Variants in PDE1A observed in about 807,000 individuals in gnomAD.
PDE1A encodes dual specificity calcium/calmodulin-dependent 3',5'-cyclic nucleotide phosphodiesterase 1A.
A neutral mutation model predicts 61.7 loss-of-function variants in PDE1A; 35 were observed. That is an observed-to-expected ratio of 0.57 (90% CI 0.43 to 0.75). The LOEUF is 0.75. PDE1A is among the 30% of genes least tolerant of loss of function. The pLI is 0.00. For synonymous variants in PDE1A, 232 were observed against 213.2 expected (o/e 1.09, Z -0.77); for missense variants, 597 against 630.6 (o/e 0.95, Z 0.57).
chr2:182,573,891 AC>A, the PDE1A span, among the ~76,000 whole-genome samples: 2 of 145,148 alleles, frequency 1.4e-5, no homozygotes, highest in African/African-American at 2.5e-5. Flanking sequence ...TAATATATAT[AC>A]ATATGTATAT....
At chr2:182,219,418 C>T (rs926351919) in intron 7 of PDE1A, among the ~76,000 whole-genome samples, 1 of 152,040 alleles carries the variant, frequency 6.6e-6, no homozygotes, top group Non-Finnish European at 1.5e-5. Flanking sequence ...TTCCTCTATC[C>T]TCCTAGGTTG....
intron 7 of PDE1A, among the ~76,000 whole-genome samples, chr2:182,207,675 A>AATG (rs1217114986): frequency 6.6e-6 from 1 of 152,236 alleles, no homozygotes; most frequent in Admixed American, 6.5e-5. Context: ...AGAGAAACCT[A>AATG]ATGTTAATAG....
intron 1 of PDE1A, among the ~76,000 whole-genome samples, chr2:182,382,134 C>A (rs374533170): frequency 1.5e-4 from 23 of 152,178 alleles, no homozygotes; most frequent in African/African-American, 5.5e-4. Flanking sequence ...GAAACTGTGA[C>A]TATGATAAAA....
chr2:182,189,178 T>C (rs1685489755), intron 10 of PDE1A, 118 bp from the exon 11 acceptor site: 3 of 587,726 alleles, frequency 5.1e-6, no homozygotes. Flanking sequence ...GCAATACTTT[T>C]TTCTTATTTA....
rs750710583 is a variant in PDE1A at position 182,201,665 on chromosome 2, A to C, written c.1004+23T>G. On this transcript the variant is annotated intron_variant, in intron 9 of 13. Coordinates refer to ENST00000351439, the Ensembl canonical transcript of PDE1A. Reference sequence around the variant, plus strand: ...TTTAACATGACAAAAAAAAAAAAACAACAAAAAAAACACAAAACCTACCCT... The same window carrying C: ...TTTAACATGACAAAAAAAAAAAAACCACAAAAAAAACACAAAACCTACCCT... 2.1e-4 allele frequency: 310 copies of C among 1,487,276 alleles called. No individual in the cohort carries two copies. The African/African-American group carries it at 3.9e-3, about 19-fold the overall frequency. The allele number at this position is 1,487,276 out of a possible 1,614,324, so 92.1% of individuals were successfully genotyped here.
At chr2:182,395,657 G>C (rs1211871775) in intron 1 of PDE1A, among the ~76,000 whole-genome samples, 1 of 152,172 alleles carries the variant, frequency 6.6e-6, no homozygotes, top group Non-Finnish European at 1.5e-5. Context: ...CCAGAGCCAG[G>C]CTGCTGTGCA....
At chr2:182,168,238 T>C in exon 14 of PDE1A, 2 of 1,586,380 alleles carry the variant, frequency 1.3e-6, no homozygotes, top group Non-Finnish European at 1.7e-6. Flanking sequence ...AGGTTTTACT[T>C]AAAGGTGTTT....
chr2:182,430,336 G>T (rs1703869733), upstream of PDE1A, among the ~76,000 whole-genome samples: 1 of 118,234 alleles, frequency 8.5e-6, no homozygotes, highest in Admixed American at 9.2e-5. Context: ...CATTTATGCA[G>T]CCAAAAAACA....
the PDE1A span, among the ~76,000 whole-genome samples, chr2:182,555,965 CAAAAAAAAAAA>C: frequency 3.3e-3 from 161 of 48,446 alleles, 1 homozygote; most frequent in African/African-American, 0.013. Flanking sequence ...AACTCCATCT[CAAAAAAAAAAA>C]AAAAAAAAAA....
the PDE1A span, among the ~76,000 whole-genome samples, chr2:182,639,987 A>T: frequency 8.7e-5 from 2 of 22,958 alleles, no homozygotes; most frequent in Admixed American, 1.5e-3. Context: ...AAGGATGTTA[A>T]AAAAAATGGT....
intron 2 of PDE1A, among the ~76,000 whole-genome samples, chr2:182,455,031 A>G (rs1046207656): frequency 6.6e-6 from 1 of 152,046 alleles, no homozygotes; most frequent in African/African-American, 2.4e-5. Flanking sequence ...AATATCCAGA[A>G]TCTACAATGA....
intron 13 of PDE1A, among the ~76,000 whole-genome samples, chr2:182,172,371 T>C (rs1199375913): frequency 6.6e-6 from 1 of 152,044 alleles, no homozygotes; most frequent in Non-Finnish European, 1.5e-5. Flanking sequence ...AGGGGGTCTC[T>C]GTAAATATTT....
rs749670482 is a variant in PDE1A, at chr2:182,472,954, T to TA, written c.101+49321dup. Among the ~76,000 whole-genome samples, 3 of 151,488 alleles carry TA rather than the reference T, an allele frequency of 2.0e-5. No individual in the cohort carries two copies. The South Asian group carries it at 6.2e-4, about 31-fold the overall frequency. On this transcript the variant is annotated intron_variant, in intron 2 of 14. Coordinates refer to the PDE1A transcript ENST00000410103. Reference sequence around the variant, plus strand: ...AAAAATTTTATTAATTTTTTTTTTTTAAATTTTTTATTTTATTGTTATTAT... The same window carrying TA: ...AAAAATTTTATTAATTTTTTTTTTTTAAAATTTTTTATTTTATTGTTATTAT...
At chr2:182,426,891 A>T in exon 1 of PDE1A, 1 of 1,264,804 alleles carries the variant, frequency 7.9e-7, no homozygotes, top group Non-Finnish European at 1.0e-6. Flanking sequence ...AGTCACGTTG[A>T]TCCAGGCAAG....
At chr2:182,611,247 C>G in the PDE1A span, among the ~76,000 whole-genome samples, 8 of 152,158 alleles carry the variant, frequency 5.3e-5, no homozygotes, top group African/African-American at 1.7e-4. Flanking sequence ...ACATTCAGCA[C>G]CTGAGCCACA....
At chr2:182,436,217 T>C (rs1684398707) in intron 2 of PDE1A, among the ~76,000 whole-genome samples, 1 of 152,068 alleles carries the variant, frequency 6.6e-6, no homozygotes, top group African/African-American at 2.4e-5. Context: ...TTCTCTTTGC[T>C]TCTATGGAAT....
At chr2:182,354,217 C>T (rs1168433825) in intron 1 of PDE1A, among the ~76,000 whole-genome samples, 1 of 152,100 alleles carries the variant, frequency 6.6e-6, no homozygotes, top group Non-Finnish European at 1.5e-5. Context: ...ATAATCAATC[C>T]TATCCTGAAT....
the PDE1A span, among the ~76,000 whole-genome samples, chr2:182,690,472 G>T: frequency 0.68 from 102,932 of 151,494 alleles, 35,522 homozygotes; most frequent in African/African-American, 0.78. Context: ...TTTGACAAAA[G>T]TCAACAGCGC....
chr2:182,162,807 T>A (rs903458062), intron 13 of PDE1A, among the ~76,000 whole-genome samples: 1 of 152,092 alleles, frequency 6.6e-6, no homozygotes, highest in African/African-American at 2.4e-5. Flanking sequence ...TTAGCTCAGG[T>A]CCAGTGGTCC....
Sources: allele counts gnomAD v4.1 joint callset (sites outside exome capture counted in the v4.1 genomes callset), GRCh38; gene constraint gnomAD v4.1.1; transcripts MANE v1.5; gene names NCBI Gene and HGNC (gene_info 2026-07-23, HGNC 2026-07-21).